The following CACNB2 variants were observed in gnomAD, a reference collection of about 807,000 sequenced individuals.
The protein encoded by CACNB2 is voltage-dependent L-type calcium channel subunit beta-2.
Under a neutral mutation model 73.3 loss-of-function variants are expected in CACNB2, and 42 were observed. That is an observed-to-expected ratio of 0.57 (90% confidence interval 0.45 to 0.74). The LOEUF (loss-of-function observed/expected upper bound fraction) is 0.74. CACNB2 is among the 30% of genes least tolerant of loss of function. The probability of loss-of-function intolerance (pLI) is 0.00; values close to 1 mark genes in which losing one functional copy is unlikely to be tolerated. For missense variants in CACNB2, 940 were observed against 853.0 expected, an observed-to-expected ratio of 1.10 and a Z score of -1.27; for synonymous variants, 348 against 310.3, an observed-to-expected ratio of 1.12 and a Z score of -1.28.
chr10:18,300,622 G>A (rs965397390), intron 2 of CACNB2, among the ~76,000 whole-genome samples: 3 of 152,190 alleles, frequency 2.0e-5, no homozygotes, highest in East Asian at 1.9e-4. Context: ...GCAATCTGAC[G>A]GGTGAATCAC....
At chr10:18,202,502 G>GT (rs112079792) in intron 2 of CACNB2, among the ~76,000 whole-genome samples, 21 of 151,626 alleles carry the variant, frequency 1.4e-4, no homozygotes, top group African/African-American at 2.7e-4. Flanking sequence ...TTTACTTCAA[G>GT]TTTTTTTTTA....
At chr10:18,332,797 G>A (rs1288394778) in intron 2 of CACNB2, among the ~76,000 whole-genome samples, 3 of 152,136 alleles carry the variant, frequency 2.0e-5, no homozygotes, top group South Asian at 4.1e-4. Context: ...CATTGAATTA[G>A]TTAGATTCAT....
intron 2 of CACNB2, among the ~76,000 whole-genome samples, chr10:18,381,904 G>A (rs1278971152): frequency 1.3e-5 from 2 of 151,970 alleles, no homozygotes; most frequent in Non-Finnish European, 2.9e-5. Flanking sequence ...ATAGCAGGTA[G>A]GGTCCACTTA....
In CACNB2 at chr10:18,218,921, T is replaced by C. The variant is rs540563423; in HGVS notation, c.213+67946T>C. On this transcript the variant is annotated intron_variant, in intron 2 of 13. Coordinates refer to ENST00000324631, the MANE Select transcript of CACNB2 (RefSeq NM_201596.3). Reference sequence around the variant, plus strand: ...GCTCACGCCTGTAATCCCAACACTTTGGTAGGCTGAAGCAGAAGGATCTCT... The same window carrying C: ...GCTCACGCCTGTAATCCCAACACTTCGGTAGGCTGAAGCAGAAGGATCTCT... Among the ~76,000 whole-genome samples the C allele has an allele frequency of 3.3e-5, 5 of 152,258 alleles. No homozygotes were observed. In the South Asian group the frequency reaches 6.2e-4, roughly 19 times the overall value.
At chr10:18,429,390 T>C (rs545836240) in intron 3 of CACNB2, among the ~76,000 whole-genome samples, 1 of 152,302 alleles carries the variant, frequency 6.6e-6, no homozygotes, top group East Asian at 1.9e-4. Flanking sequence ...TTTTCCTGCT[T>C]CGGATTCATT....
intron 2 of CACNB2, among the ~76,000 whole-genome samples, chr10:18,294,336 T>C (rs951964689): frequency 6.6e-6 from 1 of 152,300 alleles, no homozygotes; most frequent in Middle Eastern, 3.4e-3. Flanking sequence ...GCAACCAGCA[T>C]GTTCTCTGAG....
chr10:18,223,340 G>T (rs1010053914), intron 2 of CACNB2, among the ~76,000 whole-genome samples: 1 of 152,122 alleles, frequency 6.6e-6, no homozygotes. Flanking sequence ...CATTAAAGAG[G>T]CTAGTCAGTA....
chr10:18,329,406 CAGG>C (rs1457181990), intron 2 of CACNB2, among the ~76,000 whole-genome samples: 1 of 149,658 alleles, frequency 6.7e-6, no homozygotes, highest in Non-Finnish European at 1.5e-5. Flanking sequence ...TCTAAAGGAG[CAGG>C]AGATGAATCC....
intron 2 of CACNB2, among the ~76,000 whole-genome samples, chr10:18,215,756 G>A (rs775245628): frequency 8.5e-5 from 13 of 152,070 alleles, no homozygotes; most frequent in Non-Finnish European, 1.5e-5. Flanking sequence ...AAAGCAGACG[G>A]ATCTTTTTAG....
chr10:18,468,892 C>T lies in CACNB2; in HGVS notation c.334-29463C>T, dbSNP rs143177284. Reference sequence around the variant, plus strand: ...GGGATTACAGGCATGAGCCACCATGCCTGGCCATGCATCTGAATTTTTTAA... The same window carrying T: ...GGGATTACAGGCATGAGCCACCATGTCTGGCCATGCATCTGAATTTTTTAA... On this transcript the variant is annotated intron_variant, in intron 3 of 13. Transcript: ENST00000324631. 5.2e-3 allele frequency among the ~76,000 whole-genome samples: 795 copies of T among 152,300 alleles called. 2 individuals are homozygous for T. Among genetic ancestry groups the T allele is most frequent in the Non-Finnish European group, 9.0e-3 (613 of 68,024 alleles).
Position 18,200,653 on chromosome 10 carries a change from G to A in CACNB2, c.213+49678G>A, listed in dbSNP as rs143517626. On this transcript the variant is annotated intron_variant, in intron 2 of 13. Transcript: ENST00000324631. ...GGAATTAGTCTACCTTTTTCCCCGC[G>A]GTAGAAGTACTGCTTAAAAAATTGA... Among the ~76,000 whole-genome samples the A allele has an allele frequency of 1.4e-3, 219 of 151,912 alleles. 1 individual carries two copies. Among genetic ancestry groups the A allele is most frequent in the African/African-American group, 4.9e-3 (204 of 41,444 alleles).
intron 7 of CACNB2, 28 bp from the exon 8 acceptor site, chr10:18,518,308 C>T (rs1349989540): frequency 2.0e-6 from 3 of 1,500,270 alleles, no homozygotes; most frequent in East Asian, 2.3e-5. Context: ...GCCTGTGAAA[C>T]GTCTAAAAGC....
At chr10:18,495,362 G>A (rs111434421) in intron 3 of CACNB2, among the ~76,000 whole-genome samples, 1 of 152,008 alleles carries the variant, frequency 6.6e-6, no homozygotes, top group Non-Finnish European at 1.5e-5. Context: ...TGGGATTACA[G>A]TCATGTGCCA....
intron 2 of CACNB2, among the ~76,000 whole-genome samples, chr10:18,349,239 ACCGCTT>A (rs2132123757): frequency 6.6e-6 from 1 of 152,318 alleles, no homozygotes; most frequent in African/African-American, 2.4e-5. Flanking sequence ...CCTCCACTTG[ACCGCTT>A]CTATTTGAAG....
At chr10:18,249,244 A>C (rs936306017) in intron 2 of CACNB2, among the ~76,000 whole-genome samples, 1 of 152,114 alleles carries the variant, frequency 6.6e-6, no homozygotes, top group Non-Finnish European at 1.5e-5. Context: ...GAACCAACTA[A>C]GAGTCTATCT....
intron 2 of CACNB2, among the ~76,000 whole-genome samples, chr10:18,290,874 C>CA (rs1482172233): frequency 6.6e-6 from 1 of 152,226 alleles, no homozygotes; most frequent in African/African-American, 2.4e-5. Context: ...TCTAGATTGA[C>CA]AGGAGGTAAA....
At position 18,248,612 on chromosome 10, in the gene CACNB2, T is replaced by G. The variant is rs2036960969; in HGVS notation, c.213+97637T>G. ...TAATTCAATATTAGGAGAAGTGAGCTTCTTTTAAACATATCTTAAAAGAGA... is the reference window on the plus strand; with the variant it reads ...TAATTCAATATTAGGAGAAGTGAGCGTCTTTTAAACATATCTTAAAAGAGA... On this transcript the variant is annotated intron_variant, in intron 2 of 13. Coordinates refer to ENST00000324631, the MANE Select transcript of CACNB2 (RefSeq NM_201596.3). Among the ~76,000 whole-genome samples the G allele has an allele frequency of 2.0e-5, 3 of 152,370 alleles. No homozygotes were observed. In the South Asian group the frequency reaches 6.2e-4, roughly 32 times the overall value.
At chr10:18,428,490 C>T (rs1369315935) in intron 3 of CACNB2, among the ~76,000 whole-genome samples, 1 of 152,162 alleles carries the variant, frequency 6.6e-6, no homozygotes, top group East Asian at 1.9e-4. Flanking sequence ...AGGTTGAGAC[C>T]AGCTTGGCCA....
intron 2 of CACNB2, among the ~76,000 whole-genome samples, chr10:18,201,275 CTTTT>C (rs11381087): frequency 7.2e-6 from 1 of 138,674 alleles, no homozygotes; most frequent in Non-Finnish European, 1.6e-5. Context: ...GGTCCAGTAT[CTTTT>C]TTTTTTTTTT....
Sources: allele counts gnomAD v4.1 joint callset (sites outside exome capture counted in the v4.1 genomes callset), GRCh38; gene constraint gnomAD v4.1.1; transcripts MANE v1.5; gene names NCBI Gene and HGNC (gene_info 2026-07-23, HGNC 2026-07-21).